LINC00305: variants seen among roughly 807,000 people sequenced by gnomAD.
LINC00305 encodes long independently transcribed non-coding RNA 305.
chr18:64,134,913 A>G (rs1474260493), intron 1 of LINC00305, among the ~76,000 whole-genome samples: 2 of 152,198 alleles, frequency 1.3e-5, no homozygotes, highest in African/African-American at 2.4e-5. Context: ...CTTACTTGTC[A>G]TGAAGGAGTT....
chr18:64,133,244 G>T (rs2051418013), intron 1 of LINC00305, among the ~76,000 whole-genome samples: 1 of 152,198 alleles, frequency 6.6e-6, no homozygotes, highest in Non-Finnish European at 1.5e-5. Context: ...GTAAGGAACA[G>T]AGAAGAGAGG....
chr18:64,136,311 G>A (rs1453730960), intron 1 of LINC00305, among the ~76,000 whole-genome samples: 4 of 152,186 alleles, frequency 2.6e-5, no homozygotes, highest in Non-Finnish European at 4.4e-5. Flanking sequence ...ATGCTGCCAT[G>A]AAGAAAACTT....
intron 1 of LINC00305, among the ~76,000 whole-genome samples, chr18:64,099,932 CA>C (rs771707004): frequency 6.6e-6 from 1 of 152,090 alleles, no homozygotes; most frequent in Non-Finnish European, 1.5e-5. Context: ...CAAAGTTGTG[CA>C]AAGCTGTAAG....
chr18:64,122,444 C>T (rs1483602401), intron 1 of LINC00305, among the ~76,000 whole-genome samples: 2 of 151,948 alleles, frequency 1.3e-5, no homozygotes, highest in East Asian at 3.8e-4. Context: ...AAAAGGTTGT[C>T]CTTTCTCTAG....
In LINC00305 at chr18:64,145,146, A is replaced by G. The variant is rs543067216; in HGVS notation, n.314+3629T>C. Among the ~76,000 whole-genome samples the G allele has an allele frequency of 6.6e-5, 10 of 152,302 alleles. No individual in the cohort carries two copies. In the South Asian group the frequency reaches 2.1e-3, roughly 32 times the overall value. On this transcript the variant is annotated intron_variant and non_coding_transcript_variant, in intron 1 of 3. Coordinates refer to ENST00000666468, the Ensembl canonical transcript of LINC00305. Reference sequence around the variant, plus strand: ...GTTGCAATTGTTACTGCTGATTCATATCTTGCTAATCATAGATTATGGAAA... The same window carrying G: ...GTTGCAATTGTTACTGCTGATTCATGTCTTGCTAATCATAGATTATGGAAA...
At chr18:64,109,939 T>C (rs8098392) in intron 1 of LINC00305, among the ~76,000 whole-genome samples, 1,633 of 152,318 alleles carry the variant, frequency 0.011, 21 homozygotes, top group African/African-American at 0.037. Flanking sequence ...CAACACAAAA[T>C]TGTAAACTTT....
At chr18:64,142,652 CTG>C (rs1408331095) in intron 1 of LINC00305, among the ~76,000 whole-genome samples, 1 of 152,192 alleles carries the variant, frequency 6.6e-6, no homozygotes, top group East Asian at 1.9e-4. Flanking sequence ...GAAACAAAAT[CTG>C]TGTCTTACAC....
intron 1 of LINC00305, among the ~76,000 whole-genome samples, chr18:64,107,189 G>C (rs2051294830): frequency 6.6e-6 from 1 of 152,224 alleles, no homozygotes; most frequent in Non-Finnish European, 1.5e-5. Context: ...GGTGAAGACA[G>C]ATTCATTGCA....
At chr18:64,115,569 ATAT>A (rs1298604004) in intron 1 of LINC00305, among the ~76,000 whole-genome samples, 1 of 152,056 alleles carries the variant, frequency 6.6e-6, no homozygotes, top group Non-Finnish European at 1.5e-5. Flanking sequence ...ATGTACTAAG[ATAT>A]TATAGAACAT....
chr18:64,118,449 CTAACT>C (rs2051347407), intron 1 of LINC00305, among the ~76,000 whole-genome samples: 1 of 151,970 alleles, frequency 6.6e-6, no homozygotes, highest in African/African-American at 2.4e-5. Context: ...TTTAATGTCT[CTAACT>C]TAAAAATATA....
chr18:64,113,602 T>C (rs1485578963), intron 1 of LINC00305, among the ~76,000 whole-genome samples: 1 of 152,100 alleles, frequency 6.6e-6, no homozygotes, highest in Non-Finnish European at 1.5e-5. Context: ...AGACACGCTT[T>C]CTGCTGTCTT....
intron 3 of LINC00305, among the ~76,000 whole-genome samples, chr18:64,091,879 G>T (rs2051226135): frequency 6.6e-6 from 1 of 152,182 alleles, no homozygotes; most frequent in Non-Finnish European, 1.5e-5. Context: ...AAAAAAGCTT[G>T]CATAATCTGT....
At chr18:64,126,375 T>G (rs1159240684) in intron 1 of LINC00305, among the ~76,000 whole-genome samples, 1 of 152,104 alleles carries the variant, frequency 6.6e-6, no homozygotes, top group Non-Finnish European at 1.5e-5. Context: ...TAATTATATT[T>G]TTTTCACAAG....
intron 1 of LINC00305, among the ~76,000 whole-genome samples, chr18:64,142,269 A>T (rs2051467324): frequency 1.3e-5 from 2 of 152,200 alleles, no homozygotes; most frequent in Admixed American, 1.3e-4. Context: ...ATAGGCTTTT[A>T]AAAAAGTTGT....
intron 1 of LINC00305, among the ~76,000 whole-genome samples, chr18:64,100,614 T>G (rs1295541584): frequency 6.6e-6 from 1 of 152,228 alleles, no homozygotes; most frequent in Non-Finnish European, 1.5e-5. Context: ...GAATTGATTT[T>G]CTCTTTTTAC....
chr18:64,087,502 A>G (rs570422935), intron 3 of LINC00305, among the ~76,000 whole-genome samples: 1 of 152,330 alleles, frequency 6.6e-6, no homozygotes, highest in Admixed American at 6.5e-5. Context: ...TTGGAAAGCT[A>G]AAAATTTAGA....
chr18:64,106,064 CAG>C (rs2051289304), intron 1 of LINC00305, among the ~76,000 whole-genome samples: 1 of 152,232 alleles, frequency 6.6e-6, no homozygotes, highest in African/African-American at 2.4e-5. Flanking sequence ...AATTTGTCAA[CAG>C]AGTTAGCCTT....
At chr18:64,117,354 G>A (rs1004105870) in intron 1 of LINC00305, among the ~76,000 whole-genome samples, 1 of 152,136 alleles carries the variant, frequency 6.6e-6, no homozygotes, top group Non-Finnish European at 1.5e-5. Context: ...GTAATGTATT[G>A]TTATCTCTGC....
intron 3 of LINC00305, among the ~76,000 whole-genome samples, chr18:64,096,496 A>G (rs2051245627): frequency 6.6e-6 from 1 of 151,870 alleles, no homozygotes; most frequent in Non-Finnish European, 1.5e-5. Flanking sequence ...ATAGGTACAT[A>G]TACAGAAGTT....
Sources: gnomAD v4.1 joint callset for allele counts (sites outside exome capture counted in the v4.1 genomes callset) on GRCh38, gnomAD v4.1.1 for gene constraint, MANE v1.5 for transcripts, NCBI Gene and HGNC (gene_info 2026-07-23, HGNC 2026-07-21) for gene names.